Variants in ACACA observed in about 807,000 individuals in gnomAD.
ACACA encodes the protein acetyl-CoA carboxylase alpha, also known as acetyl-CoA carboxylase 1.
ACACA carries 103 observed loss-of-function variants against 296.1 expected under a neutral mutation model. The ratio of observed to expected loss-of-function variants is 0.35; its 90% confidence interval spans 0.30 to 0.41. ACACA has a LOEUF of 0.41. ACACA is among the 10% of genes least tolerant of loss of function. The pLI is 1.00. For synonymous variants in ACACA, 953 were observed against 1,038.6 expected (o/e 0.92, Z 1.58); for missense variants, 1,554 against 2,989.7 (o/e 0.52, Z 11.20).
At chr17:37,393,831 AAG>A (rs2050981754) in intron 1 of ACACA, among the ~76,000 whole-genome samples, 1 of 152,218 alleles carries the variant, frequency 6.6e-6, no homozygotes, top group South Asian at 2.1e-4. Flanking sequence ...AAAAAAAAAA[AAG>A]AGTATAATTT....
At chr17:37,356,669 C>T (rs1206444399) in intron 1 of ACACA, among the ~76,000 whole-genome samples, 2 of 152,046 alleles carry the variant, frequency 1.3e-5, no homozygotes, top group Non-Finnish European at 2.9e-5. Context: ...TGAGCCACCG[C>T]GCCCGGCAGC....
rs2050515859 is a variant in ACACA, at chr17:37,386,076, C to T, written c.38+20186G>A. Reference sequence around the variant, plus strand: ...CATCAGAGACTTTTCCCACCACTGCCCCTTCTATAACTCCTGGGAATAAAG... The same window carrying T: ...CATCAGAGACTTTTCCCACCACTGCTCCTTCTATAACTCCTGGGAATAAAG... On this transcript the variant is annotated intron_variant, in intron 1 of 55. Transcript: ENST00000616317. The T allele has an allele frequency of 1.9e-6, 3 of 1,603,020 alleles. No homozygotes were observed. In the African/African-American group the frequency reaches 4.0e-5, roughly 21 times the overall value.
rs1046208588 is a variant in ACACA, at chr17:37,339,255, T to C, written c.85+549A>G. ...AGCTTGCAGTCTGACTGAAGTTAGA[T>C]GACCACACACAAAAGAGAAAATCCA... On this transcript the variant is annotated intron_variant, in intron 2 of 55. Coordinates refer to ENST00000616317, the MANE Select transcript of ACACA (RefSeq NM_198834.3). Among the ~76,000 whole-genome samples, 4 of 152,230 alleles carry C rather than the reference T, an allele frequency of 2.6e-5. No homozygotes were observed. The South Asian group carries it at 6.2e-4, about 24-fold the overall frequency.
chr17:37,287,588 A>AC (rs1162282991), intron 3 of ACACA, among the ~76,000 whole-genome samples: 3 of 147,558 alleles, frequency 2.0e-5, no homozygotes, highest in African/African-American at 7.7e-5. Flanking sequence ...AAAAAAAAAA[A>AC]AACAAATATC....
chr17:37,098,249 A>G (rs528043474), intron 52 of ACACA, among the ~76,000 whole-genome samples: 1 of 152,228 alleles, frequency 6.6e-6, no homozygotes, highest in South Asian at 2.1e-4. Flanking sequence ...CCCCTCTCCC[A>G]TGCCTCTCCC....
At chr17:37,192,387 C>T (rs901611862) in intron 36 of ACACA, 82 bp from the exon 37 acceptor site, 8 of 1,284,876 alleles carry the variant, frequency 6.2e-6, no homozygotes, top group African/African-American at 4.4e-5. Flanking sequence ...AAAAGAGATG[C>T]CTGAAAATAG....
At chr17:37,396,640 C>A (rs963942629) in intron 1 of ACACA, among the ~76,000 whole-genome samples, 2 of 152,138 alleles carry the variant, frequency 1.3e-5, no homozygotes, top group Admixed American at 6.6e-5. Flanking sequence ...TGACCTAGAG[C>A]ACTTTTCCTA....
chr17:37,363,179 C>CTT (rs902746004), intron 1 of ACACA, among the ~76,000 whole-genome samples: 815 of 72,808 alleles, frequency 0.011, 16 homozygotes, highest in African/African-American at 0.02. Context: ...TTCTCTTTTT[C>CTT]TTTTTTTTTT....
chr17:37,161,536 T>A, intron 42 of ACACA: 1 of 574,220 alleles, frequency 1.7e-6, no homozygotes, highest in Non-Finnish European at 3.1e-6. Flanking sequence ...TACTATTTCA[T>A]CTAGTGCTCA....
At chr17:37,390,210 T>C (rs1417728189) in intron 1 of ACACA, among the ~76,000 whole-genome samples, 1 of 78,974 alleles carries the variant, frequency 1.3e-5, no homozygotes, top group Non-Finnish European at 2.1e-5. Flanking sequence ...TATATAATTA[T>C]ATATTTATTA....
At chr17:37,366,709 C>T (rs1220162485) in intron 1 of ACACA, among the ~76,000 whole-genome samples, 2 of 152,022 alleles carry the variant, frequency 1.3e-5, no homozygotes, top group African/African-American at 4.8e-5. Context: ...CCTTGTGATC[C>T]ACCCGCCTTA....
At chr17:37,175,035 G>A (rs937440605) in intron 41 of ACACA, among the ~76,000 whole-genome samples, 1 of 152,072 alleles carries the variant, frequency 6.6e-6, no homozygotes, top group African/African-American at 2.4e-5. Context: ...TTAAAAAGCT[G>A]CCCATGTTCT....
At chr17:37,350,941 T>C (rs2048870767) in intron 1 of ACACA, among the ~76,000 whole-genome samples, 3 of 151,452 alleles carry the variant, frequency 2.0e-5, no homozygotes, top group Admixed American at 2.0e-4. Flanking sequence ...CGGACCAGCG[T>C]GGCCAACATG....
chr17:37,314,551 G>A (rs2046992781), intron 3 of ACACA, among the ~76,000 whole-genome samples: 1 of 151,702 alleles, frequency 6.6e-6, no homozygotes, highest in Non-Finnish European at 1.5e-5. Context: ...GACTCTCCTG[G>A]AAAGTATTAG....
intron 45 of ACACA, among the ~76,000 whole-genome samples, chr17:37,140,057 T>C (rs942208374): frequency 3.3e-5 from 5 of 152,206 alleles, no homozygotes; most frequent in African/African-American, 9.7e-5. Flanking sequence ...GATGAATACA[T>C]AGATGAATGG....
At chr17:37,090,224 G>A (rs1441067487) in intron 54 of ACACA, among the ~76,000 whole-genome samples, 3 of 152,142 alleles carry the variant, frequency 2.0e-5, no homozygotes, top group Admixed American at 2.0e-4. Flanking sequence ...TGAGCACTAG[G>A]CTATTTTCTA....
chr17:37,394,172 G>A (rs1246632202), intron 1 of ACACA, among the ~76,000 whole-genome samples: 1 of 151,772 alleles, frequency 6.6e-6, no homozygotes, highest in Non-Finnish European at 1.5e-5. Context: ...CTGTGGAAGT[G>A]CCAATTATTC....
intron 55 of ACACA, 28 bp downstream of exon 55, chr17:37,088,910 C>T: frequency 6.2e-7 from 1 of 1,613,660 alleles, no homozygotes; most frequent in Non-Finnish European, 8.5e-7. Context: ...CCCTCCTTCT[C>T]TAGTGGAGTT....
chr17:37,112,147 C>T (rs972187865), intron 51 of ACACA, among the ~76,000 whole-genome samples: 1 of 151,890 alleles, frequency 6.6e-6, no homozygotes, highest in Non-Finnish European at 1.5e-5. Flanking sequence ...CTAAGCCAGG[C>T]CAAGTAGGAG....
Sources: gnomAD v4.1 joint callset for allele counts (sites outside exome capture counted in the v4.1 genomes callset) on GRCh38, gnomAD v4.1.1 for gene constraint, MANE v1.5 for transcripts, NCBI Gene and HGNC (gene_info 2026-07-23, HGNC 2026-07-21) for gene names.